Variants in SASH1 observed in about 807,000 individuals in gnomAD.
SASH1 encodes the protein SAM and SH3 domain-containing protein 1.
SASH1 carries 44 observed loss-of-function variants against 125.2 expected under a neutral mutation model. The observed-to-expected ratio is 0.35, with a 90% confidence interval of 0.28 to 0.45. The LOEUF is 0.45. Ranked by LOEUF, SASH1 falls within the 20% of genes least tolerant of loss-of-function variation. The probability of loss-of-function intolerance (pLI) is 1.00; values close to 1 mark genes in which losing one functional copy is unlikely to be tolerated. For missense variants in SASH1, 1,426 were observed against 1,614.5 expected, an observed-to-expected ratio of 0.88 and a Z score of 2.00; for synonymous variants, 639 against 649.1, an observed-to-expected ratio of 0.98 and a Z score of 0.24.
intron 1 of SASH1, among the ~76,000 whole-genome samples, chr6:148,387,620 C>CCTTCCT (rs1562371202): frequency 4.0e-5 from 1 of 24,696 alleles, no homozygotes; most frequent in African/African-American, 1.6e-4. Flanking sequence ...TTCTTTCTTT[C>CCTTCCT]TTTCTTTCTT....
chr6:148,428,941 C>G (rs920140407), intron 2 of SASH1, among the ~76,000 whole-genome samples: 7 of 152,106 alleles, frequency 4.6e-5, no homozygotes, highest in Non-Finnish European at 1.0e-4. Context: ...GGGTCCAGAA[C>G]AATGACTAAC....
At chr6:148,437,789 T>C (rs2114995926) in intron 2 of SASH1, among the ~76,000 whole-genome samples, 1 of 152,368 alleles carries the variant, frequency 6.6e-6, no homozygotes, top group Non-Finnish European at 1.5e-5. Flanking sequence ...ATGAACATGC[T>C]AAGATGAAAT....
Position 148,533,226 on chromosome 6 carries a change from G to T in SASH1, c.1734+260G>T, listed in dbSNP as rs2294786. Among the ~76,000 whole-genome samples the T allele has an allele frequency of 3.3e-5, 5 of 151,832 alleles. No individual in the cohort carries two copies. The highest frequency in any genetic ancestry group is 5.9e-5 in the Non-Finnish European group (4 of 67,968). On this transcript the variant is annotated intron_variant, in intron 14 of 19. Coordinates refer to ENST00000367467, the MANE Select transcript of SASH1 (RefSeq NM_015278.5). The surrounding 1 kb of genome is among the most constrained non-coding windows in gnomAD (Gnocchi z 6.2). ...ACCTCAGCTTCCCTCTAGAATTCCT[G>T]TTGCACACCCTCCCTCTCCCCACCT...
chr6:148,464,587 C>T (rs1777753254), intron 4 of SASH1, among the ~76,000 whole-genome samples: 1 of 152,154 alleles, frequency 6.6e-6, no homozygotes, highest in African/African-American at 2.4e-5. Context: ...TAAATGACCC[C>T]TTCCACCTGC....
At chr6:148,399,683 A>G (rs975433393) in intron 2 of SASH1, among the ~76,000 whole-genome samples, 1 of 152,262 alleles carries the variant, frequency 6.6e-6, no homozygotes, top group African/African-American at 2.4e-5. Context: ...TACAACAGAC[A>G]GCATTCCTAA....
intron 2 of SASH1, among the ~76,000 whole-genome samples, chr6:148,439,133 C>G (rs1262570755): frequency 6.6e-6 from 1 of 152,150 alleles, no homozygotes; most frequent in Non-Finnish European, 1.5e-5. Flanking sequence ...ATTTGTTTAT[C>G]TAAATACTCT....
intron 8 of SASH1, among the ~76,000 whole-genome samples, chr6:148,507,343 G>A (rs1474238101): frequency 4.2e-5 from 6 of 143,466 alleles, no homozygotes; most frequent in Non-Finnish European, 7.9e-5. Flanking sequence ...TGGGAGCTTC[G>A]TATTCCAATT....
chr6:148,278,022 GT>G (rs1451646188), intron 1 of SASH1, among the ~76,000 whole-genome samples: 1 of 151,472 alleles, frequency 6.6e-6, no homozygotes, highest in Non-Finnish European at 1.5e-5. Context: ...GCCTTGTTTT[GT>G]TTTTGTTTTT....
At chr6:148,209,635 T>C in the SASH1 span, among the ~76,000 whole-genome samples, 32 of 152,310 alleles carry the variant, frequency 2.1e-4, no homozygotes, top group African/African-American at 7.2e-4. Flanking sequence ...TACCTCTCTA[T>C]ATCTCAAGCC....
At position 148,390,210 on chromosome 6, in the gene SASH1, G is replaced by T. The variant is rs1420672750; in HGVS notation, c.233G>T (p.Cys78Phe). Residue 78 changes from cysteine to phenylalanine, a missense_variant, in exon 2 of 20, where the codon TGC (cysteine) becomes TTC (phenylalanine). By Grantham distance (205) the Cys-to-Phe change is radical. This residue lies in a region of SASH1 where 567 missense variants were observed against 575.6 expected (regional missense o/e 0.99). Coordinates refer to ENST00000367467, the MANE Select transcript of SASH1 (RefSeq NM_015278.5). Reference sequence around the variant, plus strand: ...TACAACACCTGTTTCTCCGACGTGTGCGAGAGGATGGAGGAGCTGCGGAAA... The same window carrying T: ...TACAACACCTGTTTCTCCGACGTGTTCGAGAGGATGGAGGAGCTGCGGAAA... Reference protein sequence around the residue: ...DYYNTCFSDVCERMEELRKRR... With the variant: ...DYYNTCFSDVFERMEELRKRR... 1.9e-6 allele frequency: 3 copies of T among 1,613,130 alleles called. No homozygotes were observed. Among genetic ancestry groups the T allele is most frequent in the Non-Finnish European group, 2.5e-6 (3 of 1,179,806 alleles).
At chr6:148,327,282 A>C (rs964505821) in intron 1 of SASH1, among the ~76,000 whole-genome samples, 10 of 151,548 alleles carry the variant, frequency 6.6e-5, no homozygotes, top group African/African-American at 1.9e-4. Context: ...ATACAATATA[A>C]ATTTCTTTTT....
chr6:148,243,790 T>C, the SASH1 span, among the ~76,000 whole-genome samples: 1 of 151,992 alleles, frequency 6.6e-6, no homozygotes, highest in Admixed American at 6.5e-5. Flanking sequence ...GTGTTAGTAA[T>C]TGGGAGACTA....
Position 148,392,142 on chromosome 6 carries a change from C to T in SASH1, c.285+1880C>T, listed in dbSNP as rs548907712. On this transcript the variant is annotated intron_variant, in intron 2 of 19. Transcript: ENST00000367467. Reference sequence around the variant, plus strand: ...TCTACTAAAAAAATATAAAATTAGCCGGGCGTGGTGGCGCATGCCTCTAAT... The same window carrying T: ...TCTACTAAAAAAATATAAAATTAGCTGGGCGTGGTGGCGCATGCCTCTAAT... 1.4e-4 allele frequency among the ~76,000 whole-genome samples: 21 copies of T among 152,128 alleles called. No homozygotes were observed. The East Asian group carries it at 1.9e-3, about 14-fold the overall frequency.
At chr6:148,202,388 G>T in the SASH1 span, among the ~76,000 whole-genome samples, 1 of 152,096 alleles carries the variant, frequency 6.6e-6, no homozygotes, top group East Asian at 1.9e-4. Context: ...AGACATCCAA[G>T]GACTGCAGCT....
rs79399261 is a variant in SASH1, at chr6:148,404,325, A to G, written c.285+14063A>G. 9.5e-3 allele frequency among the ~76,000 whole-genome samples: 1,450 copies of G among 152,280 alleles called. 26 individuals carry two copies. Among genetic ancestry groups the G allele is most frequent in the African/African-American group, 0.032 (1,331 of 41,550 alleles). The stretch of plus-strand genomic sequence containing the variant: ...CTAATTAGAGGAAGAAAGGCTCCCA[A>G]TGAAAGTGTATTTGATAAGACAAAA... On this transcript the variant is annotated intron_variant, in intron 2 of 19. Coordinates refer to ENST00000367467, the MANE Select transcript of SASH1 (RefSeq NM_015278.5).
intron 4 of SASH1, among the ~76,000 whole-genome samples, chr6:148,442,503 T>C (rs1776586047): frequency 6.6e-6 from 1 of 151,274 alleles, no homozygotes; most frequent in African/African-American, 2.4e-5. Flanking sequence ...TTGTTGACAT[T>C]TGCACACTCC....
At chr6:148,512,345 G>GT (rs1412404182) in intron 8 of SASH1, 3 of 401,432 alleles carry the variant, frequency 7.5e-6, no homozygotes, top group African/African-American at 6.5e-5. Flanking sequence ...CCCGTTGATA[G>GT]TTATAGAGAC....
chr6:148,518,082 A>G (rs1406504933), intron 9 of SASH1, among the ~76,000 whole-genome samples: 3 of 152,096 alleles, frequency 2.0e-5, no homozygotes, highest in African/African-American at 7.2e-5. Flanking sequence ...AGAGGTTGCC[A>G]TTTTTATTTC....
chr6:148,282,086 T>C (rs1779357268), intron 1 of SASH1, among the ~76,000 whole-genome samples: 1 of 152,218 alleles, frequency 6.6e-6, no homozygotes, highest in Admixed American at 6.5e-5. Flanking sequence ...AAGACCTCCT[T>C]TTGAAGGACA....
Sources: allele counts gnomAD v4.1 joint callset (sites outside exome capture counted in the v4.1 genomes callset), GRCh38; gene constraint gnomAD v4.1.1; regional missense constraint gnomAD v4.1.1; non-coding constraint Gnocchi (gnomAD v3.1); transcripts MANE v1.5; gene names NCBI Gene and HGNC (gene_info 2026-07-23, HGNC 2026-07-21).